The following GPM6A variants were observed in gnomAD, a reference collection of about 807,000 sequenced individuals.
GPM6A encodes glycoprotein M6A, also known as neuronal membrane glycoprotein M6-a.
In GPM6A, 7 loss-of-function variants were observed where a neutral mutation model predicts 32.1. That is an observed-to-expected ratio of 0.22 (90% CI 0.12 to 0.41). The LOEUF (loss-of-function observed/expected upper bound fraction) is 0.41, where lower values mean the gene tolerates loss of function less well. Ranked by LOEUF, GPM6A falls within the 10% of genes least tolerant of loss-of-function variation. The pLI is 1.00. For synonymous variants in GPM6A, 130 were observed against 123.4 expected, an observed-to-expected ratio of 1.05 and a Z score of -0.35; for missense variants, 235 against 347.2, an observed-to-expected ratio of 0.68 and a Z score of 2.57.
intron 2 of GPM6A, among the ~76,000 whole-genome samples, chr4:175,683,787 C>A (rs1743816957): frequency 6.6e-6 from 1 of 151,868 alleles, no homozygotes; most frequent in Non-Finnish European, 1.5e-5. Flanking sequence ...CACTATACTT[C>A]TTCTATAGTG....
chr4:175,833,451 C>T (rs1342508230), intron 1 of GPM6A, among the ~76,000 whole-genome samples: 1 of 152,118 alleles, frequency 6.6e-6, no homozygotes, highest in Non-Finnish European at 1.5e-5. Context: ...CCCTTTACCA[C>T]ATCCGTAATC....
chr4:175,787,785 G>T, intron 1 of GPM6A: 1 of 200,542 alleles, frequency 5.0e-6, no homozygotes, highest in Non-Finnish European at 9.0e-6. Flanking sequence ...TTACCTTACA[G>T]AATATAGGCT....
intron 1 of GPM6A, among the ~76,000 whole-genome samples, chr4:175,910,304 C>CTA (rs1738273356): frequency 6.6e-6 from 1 of 152,154 alleles, no homozygotes; most frequent in African/African-American, 2.4e-5. Flanking sequence ...TTGCAAAACA[C>CTA]TATCTCCTTT....
intron 1 of GPM6A, among the ~76,000 whole-genome samples, chr4:175,742,226 A>G (rs776515281): frequency 1.3e-5 from 2 of 152,126 alleles, no homozygotes; most frequent in African/African-American, 4.8e-5. Context: ...TTCCTAAGCT[A>G]TATCATCCAA....
At chr4:175,846,939 G>A (rs1278806576) in intron 1 of GPM6A, among the ~76,000 whole-genome samples, 1 of 151,962 alleles carries the variant, frequency 6.6e-6, no homozygotes, top group African/African-American at 2.4e-5. Context: ...CTCATTTTGA[G>A]GTCAAAAACA....
chr4:175,813,249 T>C (rs1734998936), upstream of GPM6A: 1 of 180,006 alleles, frequency 5.6e-6, no homozygotes. Context: ...GGAACAAATT[T>C]TAGATAAGAA....
At chr4:175,691,873 A>G (rs546658259) in intron 2 of GPM6A, among the ~76,000 whole-genome samples, 16 of 152,360 alleles carry the variant, frequency 1.1e-4, no homozygotes, top group African/African-American at 3.8e-4. Flanking sequence ...CGAGAGAGAC[A>G]GGGTCAAGTT....
At chr4:175,985,972 A>ATT (rs1740961266) in intron 1 of GPM6A, among the ~76,000 whole-genome samples, 1 of 151,728 alleles carries the variant, frequency 6.6e-6, no homozygotes, top group African/African-American at 2.4e-5. Flanking sequence ...TACCCAGCTA[A>ATT]TTTTTGTATT....
At chr4:175,640,435 T>G (rs1288591826) in intron 5 of GPM6A, among the ~76,000 whole-genome samples, 2 of 152,212 alleles carry the variant, frequency 1.3e-5, no homozygotes, top group Non-Finnish European at 2.9e-5. Context: ...TGATTAATAA[T>G]GATGGTTTTC....
intron 1 of GPM6A, among the ~76,000 whole-genome samples, chr4:175,991,063 TTATC>T (rs1399483210): frequency 6.7e-6 from 1 of 148,444 alleles, no homozygotes; most frequent in Non-Finnish European, 1.5e-5. Flanking sequence ...CTTTCTTTCT[TTATC>T]TTTCTTTCTT....
At chr4:175,815,239 T>C (rs968022209), upstream of GPM6A, among the ~76,000 whole-genome samples, 3 of 152,120 alleles carry the variant, frequency 2.0e-5, no homozygotes, top group South Asian at 2.1e-4. Flanking sequence ...GGTGTCAAAT[T>C]CCTGACCTCA....
intron 1 of GPM6A, among the ~76,000 whole-genome samples, chr4:176,000,278 A>G (rs1334398864): frequency 6.6e-6 from 1 of 152,190 alleles, no homozygotes; most frequent in African/African-American, 2.4e-5. Context: ...CAGTAGAAGG[A>G]ACAAACAAAT....
intron 1 of GPM6A, among the ~76,000 whole-genome samples, chr4:175,916,961 G>A (rs962011844): frequency 1.3e-5 from 2 of 152,200 alleles, no homozygotes; most frequent in African/African-American, 4.8e-5. Flanking sequence ...CCCCCAAAGT[G>A]TTTTGCTGTT....
chr4:175,725,503 G>T (rs1402273584), intron 1 of GPM6A, among the ~76,000 whole-genome samples: 1 of 152,006 alleles, frequency 6.6e-6, no homozygotes, highest in African/African-American at 2.4e-5. Context: ...ATATTGCCCA[G>T]CCTGGTCTAG....
chr4:175,985,593 C>T (rs900229113), intron 1 of GPM6A, among the ~76,000 whole-genome samples: 1 of 152,076 alleles, frequency 6.6e-6, no homozygotes, highest in Non-Finnish European at 1.5e-5. Flanking sequence ...ACAAAGTCAG[C>T]GCTGAATAGC....
At chr4:175,663,823 A>G (rs1742576355) in intron 3 of GPM6A, among the ~76,000 whole-genome samples, 1 of 151,116 alleles carries the variant, frequency 6.6e-6, no homozygotes, top group African/African-American at 2.4e-5. Context: ...CCTCCCAAGT[A>G]GCTGGGACTA....
At chr4:175,774,935 ATT>A (rs1244404284) in intron 1 of GPM6A, among the ~76,000 whole-genome samples, 1 of 152,104 alleles carries the variant, frequency 6.6e-6, no homozygotes, top group Non-Finnish European at 1.5e-5. Flanking sequence ...CCATAAAATA[ATT>A]TTTGTTTCTA....
At chr4:175,683,531 C>T (rs1482623773) in intron 2 of GPM6A, among the ~76,000 whole-genome samples, 1 of 152,010 alleles carries the variant, frequency 6.6e-6, no homozygotes, top group Non-Finnish European at 1.5e-5. Flanking sequence ...TTTGTCCCTG[C>T]TTAAATCTCA....
chr4:175,687,513 T>C (rs190884825), intron 2 of GPM6A, among the ~76,000 whole-genome samples: 80 of 152,098 alleles, frequency 5.3e-4, no homozygotes, highest in African/African-American at 1.8e-3. Flanking sequence ...TTTCCTCCTT[T>C]TTTGTGGCCA....
Sources: gnomAD v4.1 joint callset for allele counts (sites outside exome capture counted in the v4.1 genomes callset) on GRCh38, gnomAD v4.1.1 for gene constraint, MANE v1.5 for transcripts, NCBI Gene and HGNC (gene_info 2026-07-23, HGNC 2026-07-21) for gene names.